TTN: variants seen among roughly 807,000 people sequenced by gnomAD.
The protein encoded by TTN is connectin.
A neutral mutation model predicts 3,223.0 loss-of-function variants in TTN; 1,525 were observed. The observed-to-expected ratio is 0.47, with a 90% CI of 0.45 to 0.49. The LOEUF (loss-of-function observed/expected upper bound fraction) is 0.49. Among genes scored for constraint, TTN ranks in the 20% least tolerant of loss-of-function variants. The pLI is 0.00. For missense variants in TTN, 40,786 were observed against 43,424.0 expected, an observed-to-expected ratio of 0.94 and a Z score of 5.40; for synonymous variants, 14,094 against 15,161.0, an observed-to-expected ratio of 0.93 and a Z score of 5.17.
Position 178,705,245 on chromosome 2 carries a change from T to C in TTN, c.29533A>G (p.Thr9845Ala). Residue 9845 changes from threonine to alanine, a missense_variant, in exon 103 of 363, where the codon ACT becomes GCT. Transcript: ENST00000589042. ...GCTTGAAGAAGACCTCGGAAGTCAG[T>C]GATTCCATACATGCGGGCATATTTT... ...YEKYARMYGI[T>A]DFRGLLQAFE... 1 of 1,613,792 alleles carries C rather than the reference T, an allele frequency of 6.2e-7. No homozygotes were observed. Among genetic ancestry groups the C allele is most frequent in the Non-Finnish European group, 8.5e-7 (1 of 1,179,764 alleles).
rs901131458 is a variant in TTN, at chr2:178,548,366, T to G, written c.93260A>C (p.Tyr31087Ser). 3 of 1,613,824 alleles carry G rather than the reference T, an allele frequency of 1.9e-6. No individual in the cohort carries two copies. The highest frequency in any genetic ancestry group is 1.7e-6 in the Non-Finnish European group (2 of 1,179,810). Residue 31087 changes from tyrosine (Y) to serine (S), a missense_variant, in exon 339 of 363, where the codon TAT becomes TCT. By Grantham distance (144) the Tyr-to-Ser change is moderately radical. Transcript: ENST00000589042. The surrounding 1 kb of genome is among the most constrained non-coding windows in gnomAD (Gnocchi z 4.3). Reference protein sequence around the residue: ...VNDLAEGVPYYFRVSAVNEYG... With the variant: ...VNDLAEGVPYSFRVSAVNEYG... ...CTCATTTACTGCAGAAACACGGAAA[T>G]AGTACGGAACACCTTCGGCCAGGTC...
At position 178,577,008 on chromosome 2, in the gene TTN, C is replaced by T. The variant is rs374187062; in HGVS notation, c.69327G>A (p.Glu23109=). 2.5e-6 allele frequency: 4 copies of T among 1,613,344 alleles called. No homozygotes were observed. The African/African-American group carries it at 4.0e-5, about 16-fold the overall frequency. The change falls in exon 324 of 363, where the codon GAG becomes GAA. Residue 23109 remains glutamate (E), a synonymous_variant. Transcript: ENST00000589042. ...TTACAGCTGAGACCCGGAAGATGTA[C>T]TCATTTCCTTGGATAAGTTTGGTTG... ...HVATKLIQGN[E]YIFRVSAVNH... is the part of the protein sequence containing the mutation.
At chr2:178,610,877 A>T (rs1424778139) in intron 270 of TTN, 116 bp downstream of exon 270, 14 of 1,272,374 alleles carry the variant, frequency 1.1e-5, no homozygotes, top group African/African-American at 1.5e-5. Context: ...CAGAAGTGAC[A>T]TTTAGTTTAC....
chr2:178,694,946 C>T (rs1303023941), intron 115 of TTN, 40 bp from the exon 116 acceptor site: 2 of 1,417,066 alleles, frequency 1.4e-6, no homozygotes, highest in East Asian at 2.5e-5. Context: ...TTTTAGAATT[C>T]CTATTAAAAT....
chr2:178,779,280 C>T lies in TTN; in HGVS notation c.3912G>A (p.Glu1304=), dbSNP rs1298728952. ...TGCAATGAAAAGTGACACCCATCCC[C>T]TCAAGAATTCTATAATTCTTGATTC... The part of the protein sequence containing the change: ...DSRIKNYRIL[E]GMGVTFHCKM... Residue 1304 remains glutamate, a synonymous_variant, in exon 23 of 363, where the codon GAG becomes GAA. Transcript: ENST00000589042. 2 of 1,613,802 alleles carry T rather than the reference C, an allele frequency of 1.2e-6. No individual in the cohort carries two copies. The highest frequency in any genetic ancestry group is 2.2e-5 in the East Asian group (1 of 44,836).
chr2:178,594,259 T>C lies in TTN; in HGVS notation c.58151-17A>G. The C allele has an allele frequency of 6.3e-7, 1 of 1,599,722 alleles. No individual in the cohort carries two copies. Among genetic ancestry groups the C allele is most frequent in the Non-Finnish European group, 8.5e-7 (1 of 1,176,276 alleles). On this transcript the variant is annotated splice_polypyrimidine_tract_variant and intron_variant, in intron 296 of 362. Coordinates refer to ENST00000589042, the MANE Select transcript of TTN (RefSeq NM_001267550.2). ...TTGGGGGTGCTAAAATTTGTAATTA[T>C]AAAGGCAAGTCATTTTTATTGATGT...
rs1187808745 is a variant in TTN at position 178,672,229 on chromosome 2, G to A, written c.34969C>T (p.Arg11657Cys). The A allele has an allele frequency of 7.7e-6, 12 of 1,567,076 alleles. No homozygotes were observed. Among genetic ancestry groups the A allele is most frequent in the South Asian group, 1.1e-5 (1 of 87,260 alleles). The change falls in exon 155 of 363, where the codon CGC becomes TGC. Residue 11657 changes from arginine (R) to cysteine (C), a missense_variant. Transcript: ENST00000589042. Reference protein sequence around the residue: ...VLEEKVSVAFRQEVVVKERLE... With the variant: ...VLEEKVSVAFCQEVVVKERLE... ...CTTTCTTTTACTACTACTTCTTGGC[G>A]GAAGGCAACTGATACTTTTTCTTCA...
intron 217 of TTN, chr2:178,645,591 G>A (rs992917732): frequency 8.2e-5 from 14 of 170,992 alleles, no homozygotes; most frequent in African/African-American, 1.2e-4. Flanking sequence ...GCATAAGATC[G>A]CAATGATATG....
rs868429008 is a variant in TTN, at chr2:178,715,162, G to A, written c.26024C>T (p.Ser8675Phe). Reference sequence around the variant, plus strand: ...AAGTTCTCTCTTGTCTTTATACCAAGAAACGTGAAATGGGGGAGTGCCCTG... The same window carrying A: ...AAGTTCTCTCTTGTCTTTATACCAAAAAACGTGAAATGGGGGAGTGCCCTG... The part of the protein sequence containing the change: ...ELQGTPPFHV[S>F]WYKDKRELRS... Residue 8675 changes from serine (S) to phenylalanine (F), a missense_variant, in exon 90 of 363, where the codon TCT (serine) becomes TTT (phenylalanine). Ser to Phe is a radical substitution (Grantham distance 155, BLOSUM62 -2). Coordinates refer to ENST00000589042, the MANE Select transcript of TTN (RefSeq NM_001267550.2). The A allele has an allele frequency of 1.2e-6, 2 of 1,613,586 alleles. No homozygotes were observed. Among genetic ancestry groups the A allele is most frequent in the African/African-American group, 2.7e-5 (2 of 74,882 alleles).
chr2:178,614,636 G>T lies in TTN; in HGVS notation c.48878C>A (p.Thr16293Lys). ...TGKPEPKITW[T>K]KADMILKQDK... ...CTGCTTCAGAATCATATCAGCCTTT[G>T]TCCAAGTTATTTTAGGTTCAGGTTT... The change falls in exon 261 of 363, where the codon ACA becomes AAA. Residue 16293 changes from threonine (T) to lysine (K), a missense_variant. By Grantham distance (78) the Thr-to-Lys change is moderately conservative (BLOSUM62 -1). Coordinates refer to ENST00000589042, the MANE Select transcript of TTN (RefSeq NM_001267550.2). The T allele has an allele frequency of 7.4e-6, 12 of 1,612,392 alleles. No homozygotes were observed. The highest frequency in any genetic ancestry group is 1.0e-5 in the Non-Finnish European group (12 of 1,179,158).
At position 178,542,468 on chromosome 2, in the gene TTN, C is replaced by T; in HGVS notation, c.97288G>A (p.Ala32430Thr). ...TCTACCACATAACCACTCAGTGGAG[C>T]ACCACCGTCCAATTCAGGTGGTTCC... ...SWEPPELDGG[A>T]PLSGYVVEQR... The change falls in exon 349 of 363, where the codon GCT becomes ACT. Residue 32430 changes from alanine to threonine, a missense_variant. Coordinates refer to ENST00000589042, the MANE Select transcript of TTN (RefSeq NM_001267550.2). 6.2e-7 allele frequency: 1 copy of T among 1,613,592 alleles called. No homozygotes were observed. Among genetic ancestry groups the T allele is most frequent in the Non-Finnish European group, 8.5e-7 (1 of 1,179,692 alleles).
rs1367055779 is a variant in TTN at position 178,618,379 on chromosome 2, A to C, written c.47079T>G (p.Val15693=). The C allele has an allele frequency of 2.6e-5, 42 of 1,612,398 alleles. No individual in the cohort carries two copies. Among genetic ancestry groups the C allele is most frequent in the Non-Finnish European group, 3.2e-5 (38 of 1,179,114 alleles). The part of the protein sequence containing the change: ...TDGGSKIIGY[V]VERRDIKRKT... ...TTCTCTTAATGTCACGTCTTTCAAC[A>C]ACGTAACCTATGATTTTGCTTCCAC... The change falls in exon 252 of 363, where the codon GTT becomes GTG. Residue 15693 remains valine, a synonymous_variant. Transcript: ENST00000589042.
Position 178,615,722 on chromosome 2 carries a change from ATAAG to A in TTN, c.48375_48378del (p.Phe16127LysfsTer20). 6.2e-7 allele frequency: 1 copy of A among 1,612,114 alleles called. No individual in the cohort carries two copies. Among genetic ancestry groups the A allele is most frequent in the Non-Finnish European group, 8.5e-7 (1 of 1,178,626 alleles). The stretch of plus-strand genomic sequence containing the variant: ...CATTTGTTACGAGCACAAACTTTAA[ATAAG>A]TACTCTTTTCCTTGAACAAGATCAG... On this transcript the variant is annotated frameshift_variant, in exon 258 of 363. Coordinates refer to ENST00000589042, the MANE Select transcript of TTN (RefSeq NM_001267550.2). LOFTEE classifies it high-confidence loss of function.
At chr2:178,637,592 A>C (rs2060666345) in intron 223 of TTN, among the ~76,000 whole-genome samples, 173 bp from the exon 224 acceptor site, 1 of 152,040 alleles carries the variant, frequency 6.6e-6, no homozygotes, top group Non-Finnish European at 1.5e-5. Context: ...GCATATTCTG[A>C]GACTGAAGAG....
At chr2:178,555,579 A>C in intron 330 of TTN, 1 of 165,874 alleles carries the variant, frequency 6.0e-6, no homozygotes, top group Non-Finnish European at 1.3e-5. Context: ...TCAGACACTT[A>C]AAGTCTGAAT....
In TTN at chr2:178,599,335, A is replaced by G. The variant is rs2052657245; in HGVS notation, c.56458T>C (p.Tyr18820His). ...TTAGCTTCTCTTTTCTCAATTACAT[A>G]GTTTGTAATCTTAGACCCACCATCA... ...KDDGGSKITN[Y>H]VIEKREANRK... The change falls in exon 290 of 363, where the codon TAT (tyrosine) becomes CAT (histidine). Residue 18820 changes from tyrosine (Y) to histidine (H), a missense_variant. Transcript: ENST00000589042. The G allele has an allele frequency of 6.2e-7, 1 of 1,610,146 alleles. No individual in the cohort carries two copies. The highest frequency in any genetic ancestry group is 2.2e-5 in the East Asian group (1 of 44,596).
At position 178,581,650 on chromosome 2, in the gene TTN, G is replaced by C; in HGVS notation, c.66618C>G (p.Cys22206Trp). The change falls in exon 316 of 363, where the codon TGC (cysteine) becomes TGG (tryptophan). Residue 22206 changes from cysteine to tryptophan, a missense_variant. Transcript: ENST00000589042. ...KRADSDNWVR[C>W]NLPQNLQKTR... ...TTTTCTGTAGATTCTGTGGTAAGTT[G>C]CACCTCACCCAGTTATCGGAGTCAG... The C allele has an allele frequency of 6.2e-7, 1 of 1,612,770 alleles. No individual in the cohort carries two copies.
chr2:178,636,516 A>G lies in TTN; in HGVS notation c.41211T>C (p.Asp13737=), dbSNP rs963449169. 2.5e-6 allele frequency: 4 copies of G among 1,613,348 alleles called. No individual in the cohort carries two copies. Among genetic ancestry groups the G allele is most frequent in the East Asian group, 2.2e-5 (1 of 44,786 alleles). ...RESPKHRFIA[D]GKDRKLHIID... ...TGATGTGCAGCTTTCTGTCTTTACC[A>G]TCTGCAATAAACCTGTGCTTGGGAC... Residue 13737 remains aspartate (D), a synonymous_variant, in exon 225 of 363, where the codon GAT becomes GAC. Coordinates refer to ENST00000589042, the MANE Select transcript of TTN (RefSeq NM_001267550.2). This position sits in a 1 kb window ranked among gnomAD's most constrained non-coding sequence, Gnocchi z 4.3.
intron 100 of TTN, 35 bp from the exon 101 acceptor site, chr2:178,706,989 C>T (rs759626206): frequency 6.4e-7 from 1 of 1,554,308 alleles, no homozygotes; most frequent in South Asian, 1.2e-5. Flanking sequence ...TTACTACAAT[C>T]ACCTCAGAAT....
Sources: gnomAD v4.1 joint callset for allele counts (sites outside exome capture counted in the v4.1 genomes callset) on GRCh38, gnomAD v4.1.1 for gene constraint, Gnocchi (gnomAD v3.1) non-coding constraint, MANE v1.5 for transcripts, NCBI Gene and HGNC (gene_info 2026-07-23, HGNC 2026-07-21) for gene names.